Variants in MED12L observed in about 807,000 individuals in gnomAD.
The protein encoded by MED12L is mediator of RNA polymerase II transcription subunit 12-like protein.
Under a neutral mutation model 281.3 loss-of-function variants are expected in MED12L, and 60 were observed. That is an observed-to-expected ratio of 0.21 (90% CI 0.17 to 0.26). MED12L has a LOEUF of 0.26. MED12L is among the 10% of genes least tolerant of loss of function. The probability of loss-of-function intolerance (pLI) is 1.00; values close to 1 mark genes in which losing one functional copy is unlikely to be tolerated. For synonymous variants in MED12L, 974 were observed against 987.2 expected (o/e 0.99, Z 0.25); for missense variants, 2,146 against 2,680.9 (o/e 0.80, Z 4.41).
intron 8 of MED12L, among the ~76,000 whole-genome samples, chr3:151,163,263 A>G (rs552232975): frequency 6.6e-6 from 1 of 152,204 alleles, no homozygotes; most frequent in Non-Finnish European, 1.5e-5. Context: ...AGGGAGATCT[A>G]CAGGCTGTGG....
At chr3:151,351,340 A>G (rs1268126676) in intron 17 of MED12L, among the ~76,000 whole-genome samples, 1 of 152,174 alleles carries the variant, frequency 6.6e-6, no homozygotes, top group African/African-American at 2.4e-5. Flanking sequence ...GTCAGAGGTG[A>G]TAGTCCTCAG....
At chr3:151,090,953 A>G (rs992457390) in intron 2 of MED12L, among the ~76,000 whole-genome samples, 1 of 152,128 alleles carries the variant, frequency 6.6e-6, no homozygotes. Flanking sequence ...AGGCAGGAGA[A>G]TCTCTTGAAC....
At chr3:151,421,923 C>A (rs1405440235) in intron 43 of MED12L, among the ~76,000 whole-genome samples, 3 of 152,130 alleles carry the variant, frequency 2.0e-5, no homozygotes, top group African/African-American at 4.8e-5. Flanking sequence ...TAAGTGAACT[C>A]TTCCTGTTTT....
intron 17 of MED12L, among the ~76,000 whole-genome samples, chr3:151,350,745 A>G (rs943582529): frequency 9.2e-5 from 14 of 151,598 alleles, no homozygotes; most frequent in Admixed American, 2.0e-4. Flanking sequence ...AATGATTTCA[A>G]ATAAAAGAAT....
At chr3:151,238,143 C>CTT (rs1733314422) in intron 16 of MED12L, among the ~76,000 whole-genome samples, 1 of 150,764 alleles carries the variant, frequency 6.6e-6, no homozygotes, top group South Asian at 2.1e-4. Context: ...TTTCTTTTTT[C>CTT]TTTTTCTTTT....
At chr3:151,401,105 A>G (rs1715618402) in intron 39 of MED12L, among the ~76,000 whole-genome samples, 1 of 152,174 alleles carries the variant, frequency 6.6e-6, no homozygotes, top group South Asian at 2.1e-4. Flanking sequence ...ATGTTACGTA[A>G]ATGTTCTCAC....
chr3:151,097,518 CA>C (rs1316277644), intron 2 of MED12L, among the ~76,000 whole-genome samples: 3 of 152,146 alleles, frequency 2.0e-5, no homozygotes, highest in African/African-American at 4.8e-5. Flanking sequence ...ACCGAGGACT[CA>C]AAACTTTCTT....
chr3:151,198,195 C>T (rs1724937260), intron 16 of MED12L: 1 of 371,192 alleles, frequency 2.7e-6, no homozygotes, highest in Non-Finnish European at 4.8e-6. Flanking sequence ...TTCAATGAGA[C>T]TCTTTAGTTT....
intron 11 of MED12L, among the ~76,000 whole-genome samples, chr3:151,175,453 T>C (rs1306601981): frequency 2.0e-5 from 3 of 152,242 alleles, no homozygotes; most frequent in African/African-American, 7.2e-5. Flanking sequence ...AGTTAGCTGT[T>C]GCTGATAGTA....
In MED12L at chr3:151,256,981, C is replaced by A. The variant is rs1737943392; in HGVS notation, c.2250+63315C>A. ...CCACATATGAAGTATGTATGATTTG[C>A]CAGGAGTTAGGATACTTAACCCTGT... On this transcript the variant is annotated intron_variant, in intron 16 of 44. Coordinates refer to ENST00000687756, the MANE Select transcript of MED12L (RefSeq NM_001393769.1). 2.0e-5 allele frequency among the ~76,000 whole-genome samples: 3 copies of A among 151,570 alleles called. No homozygotes were observed. The South Asian group carries it at 6.2e-4, about 32-fold the overall frequency.
chr3:151,135,419 C>T lies in MED12L; in HGVS notation c.556+7435C>T, dbSNP rs1473074217. 5.3e-5 allele frequency among the ~76,000 whole-genome samples: 8 copies of T among 152,362 alleles called. No homozygotes were observed. In the East Asian group the frequency reaches 1.5e-3, roughly 29 times the overall value. On this transcript the variant is annotated intron_variant, in intron 5 of 44. Transcript: ENST00000687756. ...GACCATTGATAATATGCGACAACTG[C>T]TACTTAGAACTGCTGTTACCAGCCA... is the stretch of plus-strand genomic sequence containing the variant.
intron 16 of MED12L, among the ~76,000 whole-genome samples, chr3:151,238,771 CTTT>C (rs1416713211): frequency 6.6e-6 from 1 of 152,106 alleles, no homozygotes; most frequent in Non-Finnish European, 1.5e-5. Flanking sequence ...ATAAAAATAT[CTTT>C]TTAATATTTT....
intron 14 of MED12L, 80 bp downstream of exon 14, chr3:151,191,011 G>C (rs187904140): frequency 1.6e-6 from 2 of 1,225,428 alleles, no homozygotes; most frequent in African/African-American, 3.0e-5. Flanking sequence ...TCATGTAGTG[G>C]TAGAAGAGTG....
Position 151,190,900 on chromosome 3 carries a change from A to T in MED12L, c.1937A>T (p.His646Leu). The change falls in exon 14 of 45, where the codon CAC becomes CTC. Residue 646 changes from histidine (H) to leucine (L), a missense_variant. His to Leu is a moderately conservative substitution (Grantham distance 99, BLOSUM62 -3). Around this residue, in one of 9 missense-constraint regions of MED12L, gnomAD observed 722 missense variants for 861.2 expected, o/e 0.84. Transcript: ENST00000687756. ...RSPVGENADE[H>L]YSKDHDVKME... ...CCAGTAGGGGAAAATGCAGATGAAC[A>T]CTATTCAAAGGACCATGATGTGAAA... The T allele has an allele frequency of 1.2e-5, 20 of 1,614,200 alleles. No homozygotes were observed. The highest frequency in any genetic ancestry group is 1.6e-5 in the Non-Finnish European group (19 of 1,180,022).
At chr3:151,233,522 TG>T (rs1470112759) in intron 16 of MED12L, among the ~76,000 whole-genome samples, 2 of 151,892 alleles carry the variant, frequency 1.3e-5, no homozygotes, top group African/African-American at 4.8e-5. Flanking sequence ...TCACCTGAGG[TG>T]GGGAGTTTGA....
In MED12L at chr3:151,163,956, G is replaced by A. The variant is rs139974900; in HGVS notation, c.1171G>A (p.Ala391Thr). 160 of 1,613,440 alleles carry A rather than the reference G, an allele frequency of 9.9e-5. 1 individual carries two copies. In the African/African-American group the frequency reaches 1.2e-3, roughly 12 times the overall value. Residue 391 changes from alanine to threonine, a missense_variant, in exon 9 of 45, where the codon GCA becomes ACA. This residue lies in a region of MED12L where 722 missense variants were observed against 861.2 expected (regional missense o/e 0.84). Transcript: ENST00000687756. Reference protein sequence around the residue: ...WNYSTNENKSANPGSPLDLLQ... With the variant: ...WNYSTNENKSTNPGSPLDLLQ... ...TTATTCCACAAATGAAAATAAGAGC[G>A]CAAACCCAGGCTCACCCCTGGATCT...
chr3:151,322,994 T>C (rs542499374), intron 16 of MED12L, among the ~76,000 whole-genome samples: 2 of 152,312 alleles, frequency 1.3e-5, no homozygotes, highest in Admixed American at 6.5e-5. Flanking sequence ...AAATGGAACA[T>C]ACCCCAAATC....
In MED12L at chr3:151,416,465, T is replaced by C. The variant is rs112041330; in HGVS notation, c.6408+43T>C. The C allele has an allele frequency of 5.6e-6, 9 of 1,598,424 alleles. No homozygotes were observed. In the African/African-American group the frequency reaches 1.1e-4, roughly 19 times the overall value. On this transcript the variant is annotated intron_variant, in intron 43 of 44. Coordinates refer to ENST00000687756, the MANE Select transcript of MED12L (RefSeq NM_001393769.1). ...GGAATCAGACATGTGGGTTTCTTCTTTAAAAGCAGGTTGCATTGTTCATGT... is the reference window on the plus strand; with the variant it reads ...GGAATCAGACATGTGGGTTTCTTCTCTAAAAGCAGGTTGCATTGTTCATGT...
Position 151,234,985 on chromosome 3 carries a change from G to A in MED12L, c.2250+41319G>A, listed in dbSNP as rs113512468. The stretch of plus-strand genomic sequence containing the variant: ...TTCTATTTCTAACCACGTCATGGAC[G>A]TGGTTAACTTGTAGAAAAAGCTCAG... On this transcript the variant is annotated intron_variant, in intron 16 of 44. Coordinates refer to ENST00000687756, the MANE Select transcript of MED12L (RefSeq NM_001393769.1). 6.3e-3 allele frequency among the ~76,000 whole-genome samples: 958 copies of A among 152,334 alleles called. 6 individuals carry two copies. The highest frequency in any genetic ancestry group is 0.011 in the South Asian group (53 of 4,828).
Sources: gnomAD v4.1 joint callset for allele counts (sites outside exome capture counted in the v4.1 genomes callset) on GRCh38, gnomAD v4.1.1 for gene constraint, gnomAD v4.1.1 regional missense constraint, MANE v1.5 for transcripts, NCBI Gene and HGNC (gene_info 2026-07-23, HGNC 2026-07-21) for gene names.